ACTN3: variants seen among roughly 807,000 people sequenced by gnomAD.
ACTN3 encodes the protein alpha-actinin-3.
Under a neutral mutation model 119.6 loss-of-function variants are expected in ACTN3, and 91 were observed. The ratio of observed to expected loss-of-function variants is 0.76; its 90% CI spans 0.64 to 0.91. ACTN3 has a LOEUF of 0.91. Ranked by LOEUF, ACTN3 falls within the 40% of genes least tolerant of loss-of-function variation. The pLI, the probability that ACTN3 is intolerant of heterozygous loss-of-function variation, is 0.00. For synonymous variants in ACTN3, 456 were observed against 478.8 expected, an observed-to-expected ratio of 0.95 and a Z score of 0.62; for missense variants, 1,221 against 1,215.1, an observed-to-expected ratio of 1.00 and a Z score of -0.07.
chr11:66,557,124 C>T lies in ACTN3; in HGVS notation c.805-9C>T, dbSNP rs1272910746. The T allele has an allele frequency of 3.0e-5, 47 of 1,551,630 alleles. No individual in the cohort carries two copies. Among genetic ancestry groups the T allele is most frequent in the Non-Finnish European group, 4.1e-5 (47 of 1,146,972 alleles). ...TTTAATGCCAGCCTTCTGCCCACTCCCCCCACAGGCAGAGACAGCTGCCAA... is the reference window on the plus strand; with the variant it reads ...TTTAATGCCAGCCTTCTGCCCACTCTCCCCACAGGCAGAGACAGCTGCCAA... On this transcript the variant is annotated splice_polypyrimidine_tract_variant and intron_variant, in intron 8 of 20. Transcript: ENST00000513398.
In ACTN3 at chr11:66,561,563, C is replaced by T. The variant is rs760973896; in HGVS notation, c.2101C>T (p.Arg701Trp). 1.1e-5 allele frequency: 18 copies of T among 1,612,646 alleles called. No individual in the cohort carries two copies. The East Asian group carries it at 1.8e-4, about 16-fold the overall frequency. ...NIINYKTNID[R>W]LEGDHQLLQE... ...TATCAACTACAAGACTAACATTGAC[C>T]GGCTGGAGGGTGACCACCAGCTGCT... Residue 701 changes from arginine to tryptophan, a missense_variant, in exon 17 of 21, where the codon CGG becomes TGG. Coordinates refer to ENST00000513398, the MANE Select transcript of ACTN3 (RefSeq NM_001104.4).
intron 12 of ACTN3, among the ~76,000 whole-genome samples, chr11:66,559,744 C>T (rs561205186): frequency 6.6e-6 from 1 of 151,904 alleles, no homozygotes; most frequent in East Asian, 1.9e-4. Context: ...CGCCCCTCCA[C>T]CCAAGCACCT....
rs1386961371 is a variant in ACTN3, at chr11:66,554,234, A to C, written c.469+103A>C. On this transcript the variant is annotated intron_variant, in intron 4 of 20. Transcript: ENST00000513398. The stretch of plus-strand genomic sequence containing the variant: ...GGGCAGACCACTTGAAGGATCGCCC[A>C]GGAGTTCAAGACCAGCCTGGACAAC... The C allele has an allele frequency of 4.8e-6, 4 of 828,514 alleles. No individual in the cohort carries two copies. In the East Asian group the frequency reaches 1.1e-4, roughly 23 times the overall value. The allele number at this position is 828,514 out of a possible 1,614,324, so 51.3% of individuals were successfully genotyped here. A position where few individuals can be genotyped will look rare whatever the true frequency, so the allele number is the denominator to read the frequency against.
At chr11:66,560,102 G>T in intron 13 of ACTN3, 26 bp downstream of exon 13, 2 of 1,549,610 alleles carry the variant, frequency 1.3e-6, no homozygotes, top group East Asian at 2.4e-5. Context: ...GGGGAGCTGG[G>T]GGGTGGGTAG....
Position 66,557,722 on chromosome 11 carries a change from T to C in ACTN3, c.921T>C (p.Thr307=), listed in dbSNP as rs551276044. ...ASELLEWIRR[T]VPWLENRVGE... ...AGCTGCTGGAGTGGATCCGCCGCAC[T>C]GTCCCATGGCTGGAGAACCGTGTGG... Residue 307 remains threonine (T), a synonymous_variant, in exon 10 of 21, where the codon ACT becomes ACC. Transcript: ENST00000513398. 4 of 1,612,946 alleles carry C rather than the reference T, an allele frequency of 2.5e-6. No homozygotes were observed. The highest frequency in any genetic ancestry group is 4.5e-5 in the East Asian group (2 of 44,846).
chr11:66,554,718 C>A, intron 5 of ACTN3, 95 bp downstream of exon 5: 1 of 1,035,336 alleles, frequency 9.7e-7, no homozygotes. Context: ...CTGAGCTGGT[C>A]TCTGTCACAA....
rs370343189 is a variant in ACTN3 at position 66,561,558 on chromosome 11, T to A, written c.2096T>A (p.Ile699Asn). The stretch of plus-strand genomic sequence containing the variant: ...AACATTATCAACTACAAGACTAACA[T>A]TGACCGGCTGGAGGGTGACCACCAG... The part of the protein sequence containing the change: ...EQNIINYKTN[I>N]DRLEGDHQLL... Residue 699 changes from isoleucine to asparagine, a missense_variant, in exon 17 of 21, where the codon ATT (isoleucine) becomes AAT (asparagine). This residue lies in a region of ACTN3 where 934 missense variants were observed against 899.9 expected (regional missense o/e 1.04). Transcript: ENST00000513398. 1.2e-5 allele frequency: 20 copies of A among 1,612,756 alleles called. 2 individuals carry two copies. In the South Asian group the frequency reaches 2.1e-4, roughly 17 times the overall value.
chr11:66,547,289 G>A (rs867859342), intron 1 of ACTN3, among the ~76,000 whole-genome samples: 1 of 152,178 alleles, frequency 6.6e-6, no homozygotes, highest in Non-Finnish European at 1.5e-5. Context: ...AAAATGACAA[G>A]AGAGTTTCTG....
In ACTN3 at chr11:66,560,603, G is replaced by A. The variant is rs1357153384; in HGVS notation, c.1708G>A (p.Ala570Thr). The change falls in exon 15 of 21, where the codon GCA becomes ACA. Residue 570 changes from alanine to threonine, a missense_variant. This residue lies in a region of ACTN3 where 934 missense variants were observed against 899.9 expected (regional missense o/e 1.04). Coordinates refer to ENST00000513398, the MANE Select transcript of ACTN3 (RefSeq NM_001104.4). ...SLLTAHDQFK[A>T]TLPEADRERG... ...GCTGACAGCGCACGATCAGTTCAAGGCAACACTGCCCGAGGCTGACCGAGA... is the reference window on the plus strand; with the variant it reads ...GCTGACAGCGCACGATCAGTTCAAGACAACACTGCCCGAGGCTGACCGAGA... 5.3e-5 allele frequency: 85 copies of A among 1,613,266 alleles called. No individual in the cohort carries two copies. Among genetic ancestry groups the A allele is most frequent in the Middle Eastern group, 1.6e-4 (1 of 6,082 alleles).
chr11:66,548,211 C>G (rs904314046), intron 1 of ACTN3, among the ~76,000 whole-genome samples: 1 of 152,118 alleles, frequency 6.6e-6, no homozygotes, highest in African/African-American at 2.4e-5. Flanking sequence ...GCTGACTCGG[C>G]TGGGGTGCCC....
chr11:66,556,039 T>C, intron 7 of ACTN3, 106 bp from the exon 8 acceptor site: 1 of 1,001,764 alleles, frequency 1.0e-6, no homozygotes, highest in Non-Finnish European at 1.5e-6. Flanking sequence ...GGCTGGCTGC[T>C]GGTGGCCATG....
chr11:66,551,501 G>A (rs490998), intron 2 of ACTN3, 27 bp from the exon 3 acceptor site: 686,301 of 1,607,082 alleles, frequency 0.43, 150,857 homozygotes, highest in African/African-American at 0.64. Flanking sequence ...ATGACCTTTG[G>A]CCCTTGGCCT....
intron 3 of ACTN3, among the ~76,000 whole-genome samples, chr11:66,553,661 G>A (rs1452855441): frequency 6.6e-6 from 1 of 151,758 alleles, no homozygotes; most frequent in African/African-American, 2.4e-5. Context: ...ATGAGGTCAG[G>A]AGATTGAGAC....
At chr11:66,551,813 C>T (rs904671397) in intron 3 of ACTN3, 166 bp downstream of exon 3, 31 of 616,452 alleles carry the variant, frequency 5.0e-5, no homozygotes, top group Non-Finnish European at 6.3e-5. Flanking sequence ...CGGTGGCTCA[C>T]GCCTGTAATC....
chr11:66,554,182 A>G lies in ACTN3; in HGVS notation c.469+51A>G, dbSNP rs1046338687. The stretch of plus-strand genomic sequence containing the variant: ...GCCAGGTGCAGTGGCTGGGGCCTGT[A>G]ATCCCCACAGTTTGGGAGGTCGAGG... On this transcript the variant is annotated intron_variant, in intron 4 of 20. Coordinates refer to ENST00000513398, the MANE Select transcript of ACTN3 (RefSeq NM_001104.4). The G allele has an allele frequency of 3.9e-6, 6 of 1,547,020 alleles. No individual in the cohort carries two copies. The African/African-American group carries it at 6.8e-5, about 18-fold the overall frequency.
rs749829838 is a variant in ACTN3 at position 66,563,075 on chromosome 11, C to T, written c.2588C>T (p.Ala863Val). 1 of 1,612,982 alleles carries T rather than the reference C, an allele frequency of 6.2e-7. No individual in the cohort carries two copies. Among genetic ancestry groups the T allele is most frequent in the Non-Finnish European group, 8.5e-7 (1 of 1,179,534 alleles). ...GAGGAGCTGCGGCGCGAGCTCCCTG[C>T]CAAGCAGGCCGAGTACTGCATCCGC... ...TPEELRRELP[A>V]KQAEYCIRRM... The change falls in exon 21 of 21, where the codon GCC becomes GTC. Residue 863 changes from alanine to valine, a missense_variant. Physicochemically the swap from Ala to Val is moderately conservative, Grantham distance 64 (BLOSUM62 0). This residue lies in a region of ACTN3 where 934 missense variants were observed against 899.9 expected (regional missense o/e 1.04). Transcript: ENST00000513398.
At chr11:66,546,656 C>T (rs1218857101), upstream of ACTN3, 12 of 1,532,572 alleles carry the variant, frequency 7.8e-6, no homozygotes, top group Non-Finnish European at 1.0e-5. Context: ...CAGAGAGGTC[C>T]CGTGGATTTC....
intron 5 of ACTN3, among the ~76,000 whole-genome samples, chr11:66,554,912 C>G (rs570304842): frequency 7.6e-4 from 115 of 152,292 alleles, no homozygotes; most frequent in African/African-American, 2.6e-3. Context: ...TATTTAGAAA[C>G]TGGTCGGGCC....
chr11:66,553,209 A>G (rs1263687731), intron 3 of ACTN3, among the ~76,000 whole-genome samples: 1 of 151,064 alleles, frequency 6.6e-6, no homozygotes, highest in Non-Finnish European at 1.5e-5. Flanking sequence ...AGCTGAGATC[A>G]TGCCACTGCA....
Sources: allele counts gnomAD v4.1 joint callset (sites outside exome capture counted in the v4.1 genomes callset), GRCh38; gene constraint gnomAD v4.1.1; regional missense constraint gnomAD v4.1.1; transcripts MANE v1.5; gene names NCBI Gene and HGNC (gene_info 2026-07-23, HGNC 2026-07-21).